ESRP1: variants seen among roughly 807,000 people sequenced by gnomAD.
ESRP1 encodes the protein RNA-binding motif protein 35A.
In ESRP1, 33 loss-of-function variants were observed where a neutral mutation model predicts 81.7. That is an observed-to-expected ratio of 0.40 (90% CI 0.31 to 0.54). The LOEUF is 0.54. Ranked by LOEUF, ESRP1 falls within the 20% of genes least tolerant of loss-of-function variation. ESRP1 has a pLI of 0.41. For missense variants in ESRP1, 672 were observed against 833.1 expected (o/e 0.81, Z 2.38); for synonymous variants, 320 against 303.3 (o/e 1.06, Z -0.57).
intron 14 of ESRP1, among the ~76,000 whole-genome samples, chr8:94,695,542 G>A (rs566875893): frequency 4.6e-4 from 70 of 150,882 alleles, no homozygotes; most frequent in African/African-American, 1.7e-3. Flanking sequence ...TTTTGGTAGA[G>A]ATGGGGTTTT....
intron 10 of ESRP1, among the ~76,000 whole-genome samples, chr8:94,670,831 C>T (rs1819280227): frequency 6.6e-6 from 1 of 152,198 alleles, no homozygotes; most frequent in Admixed American, 6.5e-5. Flanking sequence ...AACTAAACTA[C>T]TATTCATCTT....
intron 12 of ESRP1, 98 bp downstream of exon 12, chr8:94,674,604 C>T (rs1563535442): frequency 8.8e-7 from 1 of 1,136,200 alleles, no homozygotes; most frequent in African/African-American, 1.6e-5. Context: ...CTTTCTGAGG[C>T]AGGTGAGGTG....
Position 94,641,237 on chromosome 8 carries a change from T to C in ESRP1, c.-82T>C. The C allele has an allele frequency of 1.5e-6, 2 of 1,372,968 alleles. No homozygotes were observed. The highest frequency in any genetic ancestry group is 1.4e-5 in the African/African-American group (1 of 69,078). The allele number at this position is 1,372,968 out of a possible 1,614,324, so 85.0% of individuals were successfully genotyped here. A position where few individuals can be genotyped will look rare whatever the true frequency, so the allele number is the denominator to read the frequency against. Reference sequence around the variant, plus strand: ...TCTTTCTTTTTCTCTTAGAAGAGGGTTTAGCACAGGTTTTTTCGTTCTCAC... The same window carrying C: ...TCTTTCTTTTTCTCTTAGAAGAGGGCTTAGCACAGGTTTTTTCGTTCTCAC... On this transcript the variant is annotated 5_prime_UTR_variant, in exon 1 of 16. Coordinates refer to ENST00000433389, the MANE Select transcript of ESRP1 (RefSeq NM_017697.4).
At chr8:94,668,426 C>G (rs2130628897) in intron 10 of ESRP1, 176 bp downstream of exon 10, 1 of 540,576 alleles carries the variant, frequency 1.8e-6, no homozygotes, top group East Asian at 3.1e-5. Flanking sequence ...ATCCTGTACA[C>G]ACACACAACA....
rs78168438 is a variant in ESRP1 at position 94,677,960 on chromosome 8, T to C, written c.1652-243T>C. ...TGAAATGGTTGAGAAGACATGAAAA[T>C]CCACTTGATTTTGGTGTTTCCGAAT... On this transcript the variant is annotated intron_variant, in intron 12 of 15. Coordinates refer to ENST00000433389, the MANE Select transcript of ESRP1 (RefSeq NM_017697.4). Among the ~76,000 whole-genome samples the C allele has an allele frequency of 6.0e-3, 915 of 152,298 alleles. 8 individuals carry two copies. Among genetic ancestry groups the C allele is most frequent in the African/African-American group, 0.021 (854 of 41,562 alleles).
chr8:94,654,361 T>C (rs1818298056), intron 4 of ESRP1, among the ~76,000 whole-genome samples: 1 of 152,182 alleles, frequency 6.6e-6, no homozygotes, highest in African/African-American at 2.4e-5. Flanking sequence ...GTTTGGAAAT[T>C]CCAAGTTAAT....
rs1179650315 is a variant in ESRP1, at chr8:94,674,478, C to T, written c.1623C>T (p.Gly541=). The T allele has an allele frequency of 6.2e-7, 1 of 1,613,768 alleles. No individual in the cohort carries two copies. Among genetic ancestry groups the T allele is most frequent in the South Asian group, 1.1e-5 (1 of 91,046 alleles). The change falls in exon 12 of 16, where the codon GGC becomes GGT. Residue 541 remains glycine (G), a synonymous_variant. Coordinates refer to ENST00000433389, the MANE Select transcript of ESRP1 (RefSeq NM_017697.4). The part of the protein sequence containing the change: ...VLMGGTLNRN[G]LSPPPCKLPC... ...TGGGGGGCACTTTAAATCGAAATGGCTTATCCCCACCGCCATGTAAGTTAC... is the reference window on the plus strand; with the variant it reads ...TGGGGGGCACTTTAAATCGAAATGGTTTATCCCCACCGCCATGTAAGTTAC...
chr8:94,674,373 G>C lies in ESRP1; in HGVS notation c.1518G>C (p.Gln506His), dbSNP rs1305397363. Residue 506 changes from glutamine (Q) to histidine (H), a missense_variant, in exon 12 of 16, where the codon CAG becomes CAC. Physicochemically the swap from Gln to His is conservative, Grantham distance 24 (BLOSUM62 0). Transcript: ENST00000433389. Reference sequence around the variant, plus strand: ...CGGACAGAGCATTTATGGCTGCACAGAAGTGTCATAAAAAAAACATGAAGG... The same window carrying C: ...CGGACAGAGCATTTATGGCTGCACACAAGTGTCATAAAAAAAACATGAAGG... ...KSADRAFMAAQKCHKKNMKDR... is the reference protein window; with the variant it reads ...KSADRAFMAAHKCHKKNMKDR... 6.2e-7 allele frequency: 1 copy of C among 1,613,866 alleles called. No homozygotes were observed. The highest frequency in any genetic ancestry group is 2.2e-5 in the East Asian group (1 of 44,898).
chr8:94,696,606 G>A (rs977986666), intron 14 of ESRP1, among the ~76,000 whole-genome samples: 1 of 152,148 alleles, frequency 6.6e-6, no homozygotes, highest in Non-Finnish European at 1.5e-5. Flanking sequence ...GTGGTATGGT[G>A]TTTTGTATGT....
chr8:94,667,068 G>GGGGTGTGTGTGTGTGTGTGTGTGTGTGT (rs1554577644), intron 9 of ESRP1, among the ~76,000 whole-genome samples: 64 of 144,316 alleles, frequency 4.4e-4, no homozygotes, highest in African/African-American at 1.5e-3. Flanking sequence ...CCAGGAGAGG[G>GGGGTGTGTGTGTGTGTGTGTGTGTGTGT]GTGTGTGTGT....
chr8:94,679,840 C>G (rs1202926937), intron 13 of ESRP1, among the ~76,000 whole-genome samples: 1 of 152,114 alleles, frequency 6.6e-6, no homozygotes, highest in Non-Finnish European at 1.5e-5. Flanking sequence ...TTAATGTGTA[C>G]TGTCTAATCG....
chr8:94,668,088 A>G lies in ESRP1; in HGVS notation c.1071A>G (p.Glu357=), dbSNP rs1819116294. ...ATTGCCCTATTACTGGGGGAAAGGAAGGCATCCTCTTTGTCACCTACCCAG... is the reference window on the plus strand; with the variant it reads ...ATTGCCCTATTACTGGGGGAAAGGAGGGCATCCTCTTTGTCACCTACCCAG... The part of the protein sequence containing the change: ...GQHCPITGGK[E]GILFVTYPDG... The change falls in exon 10 of 16, where the codon GAA becomes GAG. Residue 357 remains glutamate, a synonymous_variant. Transcript: ENST00000433389. 6.2e-7 allele frequency: 1 copy of G among 1,613,908 alleles called. No individual in the cohort carries two copies. The highest frequency in any genetic ancestry group is 1.1e-5 in the South Asian group (1 of 91,090).
chr8:94,664,828 A>G (rs1373224414), intron 7 of ESRP1, 21 bp downstream of exon 7: 4 of 1,612,226 alleles, frequency 2.5e-6, no homozygotes, highest in Admixed American at 3.3e-5. Flanking sequence ...TTAAATATCT[A>G]TTTTACTTAA....
intron 3 of ESRP1, among the ~76,000 whole-genome samples, chr8:94,644,363 C>G (rs778832297): frequency 1.3e-5 from 2 of 152,104 alleles, no homozygotes; most frequent in Non-Finnish European, 2.9e-5. Context: ...TGTAGACTGA[C>G]AAATGACGAC....
At chr8:94,687,398 C>T (rs568045227) in intron 13 of ESRP1, among the ~76,000 whole-genome samples, 3 of 152,210 alleles carry the variant, frequency 2.0e-5, no homozygotes, top group Non-Finnish European at 4.4e-5. Flanking sequence ...GAAACATATG[C>T]ATTCATGTTT....
chr8:94,658,095 C>G (rs945162493), intron 4 of ESRP1, among the ~76,000 whole-genome samples: 1 of 152,062 alleles, frequency 6.6e-6, no homozygotes, highest in Non-Finnish European at 1.5e-5. Flanking sequence ...TATTTTTAGT[C>G]GAGACAGGAG....
At chr8:94,675,747 CCCT>C (rs1446721625) in intron 12 of ESRP1, among the ~76,000 whole-genome samples, 1 of 152,160 alleles carries the variant, frequency 6.6e-6, no homozygotes, top group African/African-American at 2.4e-5. Flanking sequence ...TTTCACTTGT[CCCT>C]CCTCCTGGTC....
In ESRP1 at chr8:94,642,221, G is replaced by T. The variant is rs534739577; in HGVS notation, c.261+137G>T. The T allele has an allele frequency of 4.2e-5, 45 of 1,081,270 alleles. No homozygotes were observed. In the South Asian group the frequency reaches 7.4e-4, roughly 18 times the overall value. The allele number at this position is 1,081,270 out of a possible 1,614,324, so 67.0% of individuals were successfully genotyped here. On this transcript the variant is annotated intron_variant, in intron 2 of 15. Transcript: ENST00000433389. ...GCCCGGCCGCGTGGGTGGGAGCCCAGCCTGAGGGCCGGGGCGCACCGTTTG... is the reference window on the plus strand; with the variant it reads ...GCCCGGCCGCGTGGGTGGGAGCCCATCCTGAGGGCCGGGGCGCACCGTTTG...
At chr8:94,654,553 T>G (rs1050530637) in intron 4 of ESRP1, among the ~76,000 whole-genome samples, 5 of 152,182 alleles carry the variant, frequency 3.3e-5, no homozygotes, top group African/African-American at 1.2e-4. Flanking sequence ...TTGGAAATCC[T>G]TCTGTGTGAC....
Sources: allele counts gnomAD v4.1 joint callset (sites outside exome capture counted in the v4.1 genomes callset), GRCh38; gene constraint gnomAD v4.1.1; transcripts MANE v1.5; gene names NCBI Gene and HGNC (gene_info 2026-07-23, HGNC 2026-07-21).